The following NDUFAF6 variants were observed in gnomAD, a reference collection of about 807,000 sequenced individuals.
The protein encoded by NDUFAF6 is NADH dehydrogenase (ubiquinone) complex I, assembly factor 6.
Under a neutral mutation model 40.8 loss-of-function variants are expected in NDUFAF6, and 45 were observed. The ratio of observed to expected loss-of-function variants is 1.10; its 90% CI spans 0.87 to 1.42. NDUFAF6 has a LOEUF of 1.42. Ranked by LOEUF, NDUFAF6 falls within the 40% of genes most tolerant of loss-of-function variation. NDUFAF6 has a pLI of 0.00. For missense variants in NDUFAF6, 435 were observed against 418.5 expected, an observed-to-expected ratio of 1.04 and a Z score of -0.34; for synonymous variants, 185 against 155.9, an observed-to-expected ratio of 1.19 and a Z score of -1.39.
intron 8 of NDUFAF6, among the ~76,000 whole-genome samples, chr8:95,054,346 G>T (rs1831832604): frequency 6.6e-6 from 1 of 151,936 alleles, no homozygotes; most frequent in African/African-American, 2.4e-5. Context: ...CTACCTCACT[G>T]GGGAACTTGT....
chr8:95,075,603 G>T, intron 9 of NDUFAF6: 1 of 1,287,346 alleles, frequency 7.8e-7, no homozygotes, highest in Non-Finnish European at 1.0e-6. Context: ...AGTTGGCTTG[G>T]TGAATAAGTG....
chr8:95,103,220 C>G (rs1254899763), exon 3 of NDUFAF6: 3 of 152,132 alleles, frequency 2.0e-5, no homozygotes, highest in Admixed American at 2.0e-4. Context: ...CAACCTTACC[C>G]CTGTCAAATG....
chr8:95,005,852 A>T (rs769513532), intron 2 of NDUFAF6, among the ~76,000 whole-genome samples: 12 of 152,050 alleles, frequency 7.9e-5, no homozygotes, highest in Non-Finnish European at 1.6e-4. Flanking sequence ...GTTAAGAGGA[A>T]CCAGAATGGT....
intron 2 of NDUFAF6, among the ~76,000 whole-genome samples, chr8:95,011,952 C>T (rs1827244659): frequency 6.6e-6 from 1 of 152,152 alleles, no homozygotes; most frequent in African/African-American, 2.4e-5. Context: ...GGATATGCAT[C>T]ATTATGAAGA....
At chr8:95,066,335 C>T (rs941820006) in intron 9 of NDUFAF6, among the ~76,000 whole-genome samples, 1 of 135,866 alleles carries the variant, frequency 7.4e-6, no homozygotes, top group Non-Finnish European at 1.5e-5. Flanking sequence ...CACTATGTTG[C>T]CTGGGCTGGG....
chr8:95,045,631 A>T lies in NDUFAF6; in HGVS notation c.564A>T (p.Leu188Phe), dbSNP rs373907044. The change falls in exon 5 of 9, where the codon TTA (leucine) becomes TTT (phenylalanine). Residue 188 changes from leucine (L) to phenylalanine (F), a missense_variant. Leu to Phe is a conservative substitution (Grantham distance 22, BLOSUM62 0). Transcript: ENST00000396124. ...ACACACAGAGCTCTCTTCTTTACTT[A>T]ACACTAGAAATATTGGGTAAGTTGT... is the stretch of plus-strand genomic sequence containing the variant. ...AENTQSSLLY[L>F]TLEILGIKDL... The T allele has an allele frequency of 6.2e-7, 1 of 1,612,192 alleles. No homozygotes were observed. Among genetic ancestry groups the T allele is most frequent in the Non-Finnish European group, 8.5e-7 (1 of 1,178,548 alleles).
chr8:94,937,573 G>C (rs1821110957), intron 1 of NDUFAF6, among the ~76,000 whole-genome samples: 1 of 152,128 alleles, frequency 6.6e-6, no homozygotes, highest in African/African-American at 2.4e-5. Flanking sequence ...CATGACTTAT[G>C]CAATTCTAGC....
chr8:95,030,678 C>T (rs1828721410), intron 1 of NDUFAF6, among the ~76,000 whole-genome samples: 1 of 152,202 alleles, frequency 6.6e-6, no homozygotes, highest in African/African-American at 2.4e-5. Context: ...TCAGACTTAT[C>T]TTGTATTTTC....
chr8:94,980,106 A>G (rs1825294193), intron 1 of NDUFAF6, among the ~76,000 whole-genome samples: 1 of 151,610 alleles, frequency 6.6e-6, no homozygotes, highest in Non-Finnish European at 1.5e-5. Context: ...CAAAGCGAAA[A>G]AAAAAACAAC....
exon 1 of NDUFAF6, chr8:94,895,885 G>A (rs1381527291): frequency 6.5e-6 from 1 of 153,884 alleles, no homozygotes; most frequent in Non-Finnish European, 1.4e-5. Flanking sequence ...CGCCGGCCTT[G>A]CGCGGCGCGC....
chr8:95,102,791 A>G (rs571579884), intron 2 of NDUFAF6, among the ~76,000 whole-genome samples: 18 of 152,280 alleles, frequency 1.2e-4, no homozygotes, highest in Admixed American at 2.6e-4. Context: ...AGCAAACTGT[A>G]TGTCTTCTGC....
intron 2 of NDUFAF6, among the ~76,000 whole-genome samples, chr8:94,982,231 CAA>C (rs555441147): frequency 7.0e-6 from 1 of 143,008 alleles, no homozygotes; most frequent in African/African-American, 2.5e-5. Context: ...GACTCCATCT[CAA>C]AAAAAAAAAA....
chr8:95,085,664 T>C (rs1809021673), intron 2 of NDUFAF6: 1 of 95,934 alleles, frequency 1.0e-5, no homozygotes, highest in Non-Finnish European at 1.9e-5. Flanking sequence ...TGAGACCTCA[T>C]TTCTAAAAAA....
downstream of NDUFAF6, among the ~76,000 whole-genome samples, chr8:95,080,245 G>T (rs1350243674): frequency 1.3e-5 from 2 of 150,982 alleles, no homozygotes; most frequent in Non-Finnish European, 3.0e-5. Flanking sequence ...GTGATTTTTT[G>T]TAGTGTATTT....
chr8:94,921,791 A>G (rs765852665), intron 1 of NDUFAF6, among the ~76,000 whole-genome samples: 3 of 152,216 alleles, frequency 2.0e-5, no homozygotes, highest in Non-Finnish European at 4.4e-5. Context: ...AGGAGCTCAA[A>G]TAGGGCTTCT....
At chr8:94,957,708 G>A (rs1259218119), upstream of NDUFAF6, among the ~76,000 whole-genome samples, 3 of 152,120 alleles carry the variant, frequency 2.0e-5, no homozygotes, top group Non-Finnish European at 2.9e-5. Context: ...TTGGAGTTAC[G>A]AGCTGAGGAA....
chr8:95,115,616 A>G (rs959335725), exon 5 of NDUFAF6: 1 of 151,632 alleles, frequency 6.6e-6, no homozygotes, highest in African/African-American at 2.4e-5. Context: ...ACACTTCTCC[A>G]TTCAAACGAC....
At chr8:95,104,911 A>T (rs1247627459), downstream of NDUFAF6, among the ~76,000 whole-genome samples, 2 of 152,180 alleles carry the variant, frequency 1.3e-5, no homozygotes, top group African/African-American at 2.4e-5. Flanking sequence ...TAAAGTTGTT[A>T]GTGACAGGAT....
At chr8:95,012,386 A>G (rs1827260680) in intron 2 of NDUFAF6, among the ~76,000 whole-genome samples, 1 of 152,162 alleles carries the variant, frequency 6.6e-6, no homozygotes, top group African/African-American at 2.4e-5. Context: ...CCTGCCCCTC[A>G]GCTCATATTC....
Sources: gnomAD v4.1 joint callset for allele counts (sites outside exome capture counted in the v4.1 genomes callset) on GRCh38, gnomAD v4.1.1 for gene constraint, MANE v1.5 for transcripts, NCBI Gene and HGNC (gene_info 2026-07-23, HGNC 2026-07-21) for gene names.